The following MAN1A1 variants were observed in gnomAD, a reference collection of about 807,000 sequenced individuals.
The protein encoded by MAN1A1 is mannosidase alpha class 1A member 1.
Under a neutral mutation model 70.8 loss-of-function variants are expected in MAN1A1, and 29 were observed. The ratio of observed to expected loss-of-function variants is 0.41; its 90% CI spans 0.31 to 0.56. The LOEUF is 0.56. Among genes scored for constraint, MAN1A1 ranks in the 20% least tolerant of loss-of-function variants. The pLI is 0.29. For synonymous variants in MAN1A1, 349 were observed against 330.1 expected (o/e 1.06, Z -0.62); for missense variants, 747 against 841.3 (o/e 0.89, Z 1.39).
At chr6:119,318,312 G>T (rs910941907) in intron 2 of MAN1A1, among the ~76,000 whole-genome samples, 1 of 152,188 alleles carries the variant, frequency 6.6e-6, no homozygotes, top group African/African-American at 2.4e-5. Context: ...TCTCCCCAGA[G>T]AGAGTCCCAT....
intron 7 of MAN1A1, among the ~76,000 whole-genome samples, chr6:119,202,089 T>C (rs75799230): frequency 0.044 from 6,648 of 152,256 alleles, 200 homozygotes; most frequent in East Asian, 0.082. Flanking sequence ...AATAATAAAT[T>C]AACGTTAGTT....
chr6:119,203,966 G>A (rs1001731323), intron 7 of MAN1A1, among the ~76,000 whole-genome samples: 1 of 152,094 alleles, frequency 6.6e-6, no homozygotes, highest in East Asian at 1.9e-4. Flanking sequence ...AGAGGCACAG[G>A]ATTGAGTGCT....
chr6:119,292,939 G>A (rs1455253809), intron 4 of MAN1A1, among the ~76,000 whole-genome samples: 2 of 151,928 alleles, frequency 1.3e-5, no homozygotes, highest in African/African-American at 2.4e-5. Context: ...ACGTGACTAC[G>A]TTTCCTATGT....
intron 6 of MAN1A1, among the ~76,000 whole-genome samples, chr6:119,207,944 A>G (rs1773925990): frequency 6.6e-6 from 1 of 152,214 alleles, no homozygotes; most frequent in Admixed American, 6.5e-5. Flanking sequence ...TTATGACAGT[A>G]TTTTAAAGAC....
At chr6:119,322,172 T>C (rs1466289981) in intron 2 of MAN1A1, among the ~76,000 whole-genome samples, 2 of 152,170 alleles carry the variant, frequency 1.3e-5, no homozygotes, top group African/African-American at 4.8e-5. Context: ...CACAATCATC[T>C]TGAGCACCCA....
chr6:119,179,982 A>G (rs763494726), intron 12 of MAN1A1, 37 bp from the exon 13 acceptor site: 1 of 1,606,568 alleles, frequency 6.2e-7, no homozygotes, highest in South Asian at 1.1e-5. Context: ...GGCCCAAGAC[A>G]CTAGGCAGGC....
chr6:119,348,773 GCCGCGTCC>G lies in MAN1A1; in HGVS notation c.285_292del (p.Glu95AspfsTer67), dbSNP rs774577937. 9 of 1,459,816 alleles carry G rather than the reference GCCGCGTCC, an allele frequency of 6.2e-6. No homozygotes were observed. The highest frequency in any genetic ancestry group is 8.1e-6 in the Non-Finnish European group (9 of 1,108,190). The allele number at this position is 1,459,816 out of a possible 1,614,324, so 90.4% of individuals were successfully genotyped here. On this transcript the variant is annotated frameshift_variant, in exon 2 of 13. Transcript: ENST00000368468. LOFTEE classifies it high-confidence loss of function. ...CTCGCGGCGCCGGGCTCGCCCCTCG[GCCGCGTCC>G]TCGGCGCGCGCCCCGGGCCCGGGCT...
intron 6 of MAN1A1, among the ~76,000 whole-genome samples, chr6:119,216,775 A>C (rs2114963500): frequency 6.6e-6 from 1 of 152,322 alleles, no homozygotes; most frequent in South Asian, 2.1e-4. Flanking sequence ...ATGTAACAGA[A>C]ATGAATCTGC....
intron 4 of MAN1A1, among the ~76,000 whole-genome samples, chr6:119,298,490 G>A (rs986910970): frequency 6.6e-6 from 1 of 151,926 alleles, no homozygotes; most frequent in Non-Finnish European, 1.5e-5. Flanking sequence ...ATTCTTGAGT[G>A]TAAAATTTGT....
intron 3 of MAN1A1, among the ~76,000 whole-genome samples, chr6:119,302,611 A>G (rs1478858897): frequency 3.3e-5 from 5 of 151,952 alleles, no homozygotes; most frequent in Non-Finnish European, 4.4e-5. Context: ...CAATCTCTCG[A>G]CCTCATAATC....
chr6:119,207,366 G>T (rs1383088523), intron 6 of MAN1A1, among the ~76,000 whole-genome samples: 1 of 152,120 alleles, frequency 6.6e-6, no homozygotes, highest in Non-Finnish European at 1.5e-5. Context: ...GGACATCTTT[G>T]GTTACCATTC....
chr6:119,308,531 T>A (rs780056998), intron 2 of MAN1A1, among the ~76,000 whole-genome samples: 23 of 152,160 alleles, frequency 1.5e-4, no homozygotes, highest in Non-Finnish European at 3.2e-4. Flanking sequence ...TTGGGATAAT[T>A]CCTTACAGGA....
chr6:119,330,333 C>T (rs1364035463), intron 2 of MAN1A1, among the ~76,000 whole-genome samples: 1 of 152,086 alleles, frequency 6.6e-6, no homozygotes, highest in Non-Finnish European at 1.5e-5. Flanking sequence ...ACGATTCCAA[C>T]CATCAGAAAA....
chr6:119,197,254 A>G (rs1351520931), intron 8 of MAN1A1, among the ~76,000 whole-genome samples: 2 of 149,630 alleles, frequency 1.3e-5, no homozygotes, highest in African/African-American at 4.9e-5. Flanking sequence ...GGGAGCTGAG[A>G]CTGCACCACT....
At position 119,190,353 on chromosome 6, in the gene MAN1A1, T is replaced by TA. The variant is rs148142754; in HGVS notation, c.1327-471dup. Among the ~76,000 whole-genome samples, 605 of 152,264 alleles carry TA rather than the reference T, an allele frequency of 4.0e-3. 2 individuals carry two copies. Among genetic ancestry groups the TA allele is most frequent in the Non-Finnish European group, 6.1e-3 (413 of 68,028 alleles). The stretch of plus-strand genomic sequence containing the variant: ...CTGTAGGCTTGGAGGGATAACAAAA[T>TA]AGAGTGGCAAAGAGGAGGTGTTCTG... On this transcript the variant is annotated intron_variant, in intron 9 of 12. Coordinates refer to ENST00000368468, the MANE Select transcript of MAN1A1 (RefSeq NM_005907.4).
chr6:119,341,979 GAA>G, intron 2 of MAN1A1, among the ~76,000 whole-genome samples: 1 of 152,204 alleles, frequency 6.6e-6, no homozygotes, highest in Non-Finnish European at 1.5e-5. Context: ...TTATTTATTA[GAA>G]AAAAGAGAAA....
chr6:119,290,635 G>T, intron 5 of MAN1A1, 48 bp downstream of exon 5: 1 of 1,374,826 alleles, frequency 7.3e-7, no homozygotes, highest in Non-Finnish European at 1.0e-6. Flanking sequence ...CAAAAATGTA[G>T]TTTAAGACAC....
intron 6 of MAN1A1, among the ~76,000 whole-genome samples, chr6:119,222,471 C>T (rs1162044626): frequency 1.3e-5 from 2 of 151,694 alleles, no homozygotes; most frequent in Admixed American, 1.3e-4. Flanking sequence ...GGACTACAGG[C>T]ATATGCCACC....
chr6:119,273,568 C>A (rs540784319), intron 5 of MAN1A1, among the ~76,000 whole-genome samples: 1 of 152,286 alleles, frequency 6.6e-6, no homozygotes, highest in South Asian at 2.1e-4. Context: ...CCAAGACCTG[C>A]TTCTGGCATA....
Sources: allele counts gnomAD v4.1 joint callset (sites outside exome capture counted in the v4.1 genomes callset), GRCh38; gene constraint gnomAD v4.1.1; transcripts MANE v1.5; gene names NCBI Gene and HGNC (gene_info 2026-07-23, HGNC 2026-07-21).